Variants in NGEF observed in about 807,000 individuals in gnomAD.
NGEF encodes the protein ephexin-1.
In NGEF, 31 loss-of-function variants were observed where a neutral mutation model predicts 80.9. The ratio of observed to expected loss-of-function variants is 0.38; its 90% CI spans 0.29 to 0.52. The LOEUF (loss-of-function observed/expected upper bound fraction) is 0.52. Among genes scored for constraint, NGEF ranks in the 20% least tolerant of loss-of-function variants. NGEF has a pLI of 0.84. For missense variants in NGEF, 709 were observed against 926.2 expected (o/e 0.77, Z 3.04); for synonymous variants, 371 against 370.2 (o/e 1.00, Z -0.03).
intron 1 of NGEF, among the ~76,000 whole-genome samples, chr2:232,978,451 G>A (rs957593562): frequency 6.6e-6 from 1 of 152,192 alleles, no homozygotes; most frequent in Non-Finnish European, 1.5e-5. Flanking sequence ...GAAGGCATAG[G>A]TTGCAGTGAG....
intron 3 of NGEF, among the ~76,000 whole-genome samples, chr2:232,968,181 C>T (rs112927373): frequency 1.2e-4 from 18 of 149,962 alleles, no homozygotes; most frequent in Admixed American, 7.3e-4. Flanking sequence ...CTCTGCCTTC[C>T]GGGTTCAAGT....
At chr2:232,899,839 T>C (rs1692234125) in intron 5 of NGEF, among the ~76,000 whole-genome samples, 2 of 113,574 alleles carry the variant, frequency 1.8e-5, no homozygotes, top group Non-Finnish European at 1.8e-5. Flanking sequence ...TTCACTCACA[T>C]TCACTCACAC....
At chr2:232,956,542 C>T (rs746468236) in intron 3 of NGEF, among the ~76,000 whole-genome samples, 5 of 151,888 alleles carry the variant, frequency 3.3e-5, no homozygotes, top group Non-Finnish European at 5.9e-5. Context: ...CCGAGGTGGG[C>T]GGATACCTGA....
intron 1 of NGEF, among the ~76,000 whole-genome samples, chr2:233,005,401 A>G (rs1695064394): frequency 6.6e-6 from 1 of 152,234 alleles, no homozygotes; most frequent in South Asian, 2.1e-4. Context: ...ACTTCTGCCC[A>G]GATTCTCAGC....
At chr2:232,918,223 G>T (rs1042571968) in intron 5 of NGEF, among the ~76,000 whole-genome samples, 10 of 152,170 alleles carry the variant, frequency 6.6e-5, no homozygotes, top group East Asian at 5.8e-4. Context: ...CTCCCAAAGT[G>T]CTGAGATTAC....
At chr2:232,975,042 A>G (rs367935234) in intron 1 of NGEF, 78 bp from the exon 2 acceptor site, 1 of 712,276 alleles carries the variant, frequency 1.4e-6, no homozygotes, top group Non-Finnish European at 2.3e-6. Flanking sequence ...CTCCACTCCC[A>G]TTCGAATTTG....
In NGEF at chr2:232,953,367, G is replaced by A. The variant is rs536651407; in HGVS notation, c.383+16847C>T. On this transcript the variant is annotated intron_variant, in intron 3 of 14. Coordinates refer to ENST00000264051, the MANE Select transcript of NGEF (RefSeq NM_019850.3). The stretch of plus-strand genomic sequence containing the variant: ...AAAGAGAGAAAGAAAGAAAGAAAGA[G>A]AGAGAGAGAAAAGTGACCAGTGTGT... Among the ~76,000 whole-genome samples, 134 of 137,492 alleles carry A rather than the reference G, an allele frequency of 9.7e-4. 1 individual carries two copies. Among genetic ancestry groups the A allele is most frequent in the African/African-American group, 3.1e-3 (123 of 39,172 alleles). The allele number at this position is 137,492 out of a possible 152,430, so 90.2% of individuals were successfully genotyped here. A position where few individuals can be genotyped will look rare whatever the true frequency, so the allele number is the denominator to read the frequency against.
chr2:232,936,416 T>A (rs569036899), intron 3 of NGEF, among the ~76,000 whole-genome samples: 1 of 152,310 alleles, frequency 6.6e-6, no homozygotes, highest in South Asian at 2.1e-4. Context: ...CTCTAAGCTG[T>A]TGGAATGTGG....
At chr2:232,994,990 A>G (rs1694749201) in intron 1 of NGEF, among the ~76,000 whole-genome samples, 1 of 121,898 alleles carries the variant, frequency 8.2e-6, no homozygotes, top group Non-Finnish European at 1.9e-5. Context: ...ATATATGTAT[A>G]ACTACACATA....
intron 5 of NGEF, among the ~76,000 whole-genome samples, chr2:232,906,006 G>T (rs1361188294): frequency 7.6e-6 from 1 of 132,354 alleles, no homozygotes. Flanking sequence ...CAGCCGCCCC[G>T]TCCGGGAGGG....
At chr2:232,937,925 G>C (rs778348) in intron 3 of NGEF, among the ~76,000 whole-genome samples, 1 of 151,986 alleles carries the variant, frequency 6.6e-6, no homozygotes, top group African/African-American at 2.4e-5. Flanking sequence ...AACTGGATTC[G>C]GTGTTTTAGT....
chr2:232,921,878 G>T (rs1692952743), intron 4 of NGEF, among the ~76,000 whole-genome samples: 1 of 152,194 alleles, frequency 6.6e-6, no homozygotes. Flanking sequence ...GGAAGGGGAT[G>T]AAGCCAAGTG....
In NGEF at chr2:232,967,706, G is replaced by GGGGT. The variant is rs112187334; in HGVS notation, c.383+2507_383+2508insACCC. On this transcript the variant is annotated intron_variant, in intron 3 of 14. Coordinates refer to ENST00000264051, the MANE Select transcript of NGEF (RefSeq NM_019850.3). ...TCTAATTACATGCAAATAAAATAGG[G>GGGGT]GTGTGTGTGTGTGTGTGTGTGTGTG... 3.9e-3 allele frequency among the ~76,000 whole-genome samples: 581 copies of GGGGT among 148,450 alleles called. 3 individuals are homozygous for GGGGT. The highest frequency in any genetic ancestry group is 0.012 in the African/African-American group (497 of 40,282).
chr2:232,880,310 T>C (rs1229900363), intron 14 of NGEF, among the ~76,000 whole-genome samples: 1 of 152,186 alleles, frequency 6.6e-6, no homozygotes, highest in East Asian at 1.9e-4. Context: ...TTGCTCAGAG[T>C]TTGTGGCCGA....
intron 2 of NGEF, 121 bp downstream of exon 2, chr2:232,974,502 G>A: frequency 8.4e-7 from 1 of 1,196,574 alleles, no homozygotes; most frequent in African/African-American, 1.5e-5. Context: ...CTACCCTGTT[G>A]AAACTGTCCT....
chr2:232,954,410 G>A (rs1693752964), intron 3 of NGEF, among the ~76,000 whole-genome samples: 1 of 152,108 alleles, frequency 6.6e-6, no homozygotes, highest in Non-Finnish European at 1.5e-5. Flanking sequence ...ATGAGATATT[G>A]TAGGATGCTG....
intron 1 of NGEF, among the ~76,000 whole-genome samples, chr2:232,997,087 T>C (rs1471947223): frequency 6.6e-6 from 1 of 152,198 alleles, no homozygotes; most frequent in East Asian, 1.9e-4. Context: ...CACTGGGTCC[T>C]TGTAGGTGGT....
At position 232,882,172 on chromosome 2, in the gene NGEF, C is replaced by T; in HGVS notation, c.1837+14G>A. 1.2e-6 allele frequency: 2 copies of T among 1,612,352 alleles called. No individual in the cohort carries two copies. The highest frequency in any genetic ancestry group is 1.7e-6 in the Non-Finnish European group (2 of 1,179,134). The stretch of plus-strand genomic sequence containing the variant: ...CAAGGACAAATGGCGCCCCCTTACC[C>T]ACCGGTGACTTACCCAGCAGCCGGG... On this transcript the variant is annotated intron_variant, in intron 13 of 14. Transcript: ENST00000264051.
chr2:232,994,347 G>A (rs1362102610), intron 1 of NGEF, among the ~76,000 whole-genome samples: 1 of 145,922 alleles, frequency 6.9e-6, no homozygotes, highest in East Asian at 2.0e-4. Flanking sequence ...TTCAGCCTGG[G>A]TAACGGAGCG....
Sources: allele counts gnomAD v4.1 joint callset (sites outside exome capture counted in the v4.1 genomes callset), GRCh38; gene constraint gnomAD v4.1.1; transcripts MANE v1.5; gene names NCBI Gene and HGNC (gene_info 2026-07-23, HGNC 2026-07-21).